The following ALK variants were observed in gnomAD, a reference collection of about 807,000 sequenced individuals.
The protein encoded by ALK is ALK receptor tyrosine kinase, also known as ALK tyrosine kinase receptor.
A neutral mutation model predicts 163.1 loss-of-function variants in ALK; 74 were observed. The ratio of observed to expected loss-of-function variants is 0.45; its 90% CI spans 0.38 to 0.55. The LOEUF (loss-of-function observed/expected upper bound fraction) is 0.55. Ranked by LOEUF, ALK falls within the 20% of genes least tolerant of loss-of-function variation. The pLI, the probability that ALK is intolerant of heterozygous loss-of-function variation, is 0.00. For missense variants in ALK, 2,063 were observed against 2,105.3 expected (o/e 0.98, Z 0.39); for synonymous variants, 960 against 843.2 (o/e 1.14, Z -2.40).
At chr2:29,252,994 T>G (rs1664861747) in intron 11 of ALK, among the ~76,000 whole-genome samples, 1 of 151,860 alleles carries the variant, frequency 6.6e-6, no homozygotes, top group African/African-American at 2.4e-5. Flanking sequence ...CCAGCTAATT[T>G]TTAAAACTTT....
chr2:29,251,536 G>C (rs1224922738), intron 11 of ALK, among the ~76,000 whole-genome samples: 1 of 152,210 alleles, frequency 6.6e-6, no homozygotes, highest in Non-Finnish European at 1.5e-5. Context: ...TACTATGAGA[G>C]ACCCAAAGGG....
At chr2:29,378,604 G>A (rs1381802686) in intron 5 of ALK, among the ~76,000 whole-genome samples, 1 of 152,106 alleles carries the variant, frequency 6.6e-6, no homozygotes, top group Non-Finnish European at 1.5e-5. Flanking sequence ...GTTAATATAT[G>A]TACCATGCTT....
At chr2:29,236,546 C>T (rs1042882309) in intron 13 of ALK, among the ~76,000 whole-genome samples, 18 of 152,204 alleles carry the variant, frequency 1.2e-4, no homozygotes, top group Non-Finnish European at 2.4e-4. Context: ...CCATGCTCAT[C>T]CCCCGCACCC....
intron 1 of ALK, among the ~76,000 whole-genome samples, chr2:29,910,227 G>T (rs1667665916): frequency 6.6e-6 from 1 of 152,030 alleles, no homozygotes; most frequent in African/African-American, 2.4e-5. Flanking sequence ...TATCTAAAGT[G>T]AAAACTTATT....
At chr2:29,890,076 G>A (rs1414022882) in intron 1 of ALK, among the ~76,000 whole-genome samples, 1 of 152,198 alleles carries the variant, frequency 6.6e-6, no homozygotes, top group East Asian at 1.9e-4. Context: ...AAGTAGGAGA[G>A]AGACAAGCTC....
At chr2:29,679,006 C>T (rs1443422246) in intron 3 of ALK, among the ~76,000 whole-genome samples, 2 of 151,784 alleles carry the variant, frequency 1.3e-5, no homozygotes, top group East Asian at 3.9e-4. Flanking sequence ...GTCTTGTTTC[C>T]CCTTTCAGTT....
chr2:29,587,396 A>G (rs1182363121), intron 3 of ALK, among the ~76,000 whole-genome samples: 1 of 152,260 alleles, frequency 6.6e-6, no homozygotes, highest in Admixed American at 6.5e-5. Flanking sequence ...AAAGAAGTAT[A>G]AAGCTCAAGG....
intron 1 of ALK, among the ~76,000 whole-genome samples, chr2:29,778,641 G>A (rs1681245608): frequency 6.6e-6 from 1 of 152,170 alleles, no homozygotes; most frequent in Admixed American, 6.5e-5. Flanking sequence ...TGCAGTGGCT[G>A]CTATCTGCTT....
chr2:29,706,359 C>T (rs1231887982), intron 2 of ALK, among the ~76,000 whole-genome samples: 10 of 152,206 alleles, frequency 6.6e-5, no homozygotes, highest in Non-Finnish European at 1.5e-4. Context: ...TGTTATTAAT[C>T]CACCAGCTGC....
chr2:29,659,779 C>T (rs141693409), intron 3 of ALK, among the ~76,000 whole-genome samples: 95 of 152,176 alleles, frequency 6.2e-4, no homozygotes, highest in African/African-American at 2.0e-3. Context: ...TACTACAGAC[C>T]GGATAATGTT....
intron 1 of ALK, among the ~76,000 whole-genome samples, chr2:29,918,212 C>T (rs1447169669): frequency 6.6e-6 from 1 of 152,206 alleles, no homozygotes; most frequent in African/African-American, 2.4e-5. Flanking sequence ...TGCCTGTCAC[C>T]AACATCTGAC....
chr2:29,359,246 T>A (rs1024875745), intron 5 of ALK, among the ~76,000 whole-genome samples: 3 of 151,880 alleles, frequency 2.0e-5, no homozygotes, highest in African/African-American at 7.3e-5. Context: ...CTGGATGGAG[T>A]CAAGGTTTGC....
intron 12 of ALK, among the ~76,000 whole-genome samples, chr2:29,244,056 A>C (rs897967171): frequency 6.6e-6 from 1 of 152,320 alleles, no homozygotes; most frequent in Non-Finnish European, 1.5e-5. Context: ...TGCCTGCCGG[A>C]TCCTGAAATG....
intron 13 of ALK, among the ~76,000 whole-genome samples, chr2:29,236,815 T>A (rs1217075013): frequency 6.6e-6 from 1 of 152,204 alleles, no homozygotes; most frequent in East Asian, 1.9e-4. Flanking sequence ...TATTGCATCC[T>A]AGGCAATCTC....
At chr2:29,594,803 C>T (rs559685115) in intron 3 of ALK, among the ~76,000 whole-genome samples, 130 of 143,126 alleles carry the variant, frequency 9.1e-4, no homozygotes, top group African/African-American at 3.3e-3. Context: ...TATAGTGTGG[C>T]TATAGGGGTG....
intron 1 of ALK, among the ~76,000 whole-genome samples, chr2:29,865,509 A>C (rs1572450005): frequency 6.6e-6 from 1 of 152,318 alleles, no homozygotes; most frequent in African/African-American, 2.4e-5. Flanking sequence ...ATATGTAACA[A>C]TCTGCACATC....
chr2:29,591,204 C>T (rs1675048564), intron 3 of ALK, among the ~76,000 whole-genome samples: 1 of 151,934 alleles, frequency 6.6e-6, no homozygotes, highest in Admixed American at 6.6e-5. Flanking sequence ...AACACAGTAC[C>T]CCCATATTAA....
chr2:29,298,912 T>C (rs1433616187), intron 8 of ALK, among the ~76,000 whole-genome samples: 13 of 152,096 alleles, frequency 8.5e-5, no homozygotes, highest in Admixed American at 8.5e-4. Context: ...CATCTCAGAG[T>C]CAATCTTTTG....
At chr2:29,617,639 T>G (rs762065907) in intron 3 of ALK, among the ~76,000 whole-genome samples, 6 of 152,154 alleles carry the variant, frequency 3.9e-5, no homozygotes, top group Non-Finnish European at 8.8e-5. Context: ...TAAGCCAGTT[T>G]AGCAAGAAAC....
Sources: allele counts gnomAD v4.1 joint callset (sites outside exome capture counted in the v4.1 genomes callset), GRCh38; gene constraint gnomAD v4.1.1; transcripts MANE v1.5; gene names NCBI Gene and HGNC (gene_info 2026-07-23, HGNC 2026-07-21).